The following GRB14 variants were observed in gnomAD, a reference collection of about 807,000 sequenced individuals.
GRB14 encodes the protein growth factor receptor-bound protein 14.
A neutral mutation model predicts 69.1 loss-of-function variants in GRB14; 38 were observed. That is an observed-to-expected ratio of 0.55 (90% CI 0.42 to 0.72). The LOEUF is 0.72. Ranked by LOEUF, GRB14 falls within the 30% of genes least tolerant of loss-of-function variation. The probability of loss-of-function intolerance (pLI) is 0.00; values close to 1 mark genes in which losing one functional copy is unlikely to be tolerated. For missense variants in GRB14, 666 were observed against 666.1 expected (o/e 1.00, Z 0.00); for synonymous variants, 247 against 241.3 (o/e 1.02, Z -0.22).
At chr2:164,560,103 T>C (rs7576322) in intron 2 of GRB14, among the ~76,000 whole-genome samples, 118,688 of 152,030 alleles carry the variant, frequency 0.78, 46,821 homozygotes, top group African/African-American at 0.83. Context: ...GGTCACCAGC[T>C]GAGCCAGCCA....
At chr2:164,596,075 G>T (rs1399777350) in intron 2 of GRB14, among the ~76,000 whole-genome samples, 1 of 152,198 alleles carries the variant, frequency 6.6e-6, no homozygotes, top group African/African-American at 2.4e-5. Context: ...AGCGAACCGA[G>T]ATTGCACCGC....
intron 2 of GRB14, among the ~76,000 whole-genome samples, chr2:164,562,436 C>A (rs377500420): frequency 3.3e-5 from 5 of 152,168 alleles, no homozygotes; most frequent in African/African-American, 9.6e-5. Context: ...GCAGTGGGAG[C>A]AAGCATTTGA....
intron 13 of GRB14, 44 bp downstream of exon 13, chr2:164,494,387 A>C (rs1686836634): frequency 2.9e-6 from 3 of 1,021,378 alleles, no homozygotes; most frequent in Non-Finnish European, 4.7e-6. Context: ...CTTATGCATT[A>C]AGGTCATTTC....
chr2:164,548,090 T>A (rs894838053), intron 2 of GRB14, among the ~76,000 whole-genome samples: 1 of 152,198 alleles, frequency 6.6e-6, no homozygotes, highest in Non-Finnish European at 1.5e-5. Flanking sequence ...TGTTGTGCAT[T>A]AGAGCTCTAG....
chr2:164,526,988 T>C, intron 4 of GRB14, 26 bp downstream of exon 4: 1 of 1,511,638 alleles, frequency 6.6e-7, no homozygotes, highest in Non-Finnish European at 8.9e-7. Context: ...TTATTTTCCG[T>C]AACTATTAGG....
intron 6 of GRB14, among the ~76,000 whole-genome samples, chr2:164,518,895 A>T (rs1687561974): frequency 6.6e-6 from 1 of 152,090 alleles, no homozygotes; most frequent in East Asian, 1.9e-4. Context: ...TCAACAAAAA[A>T]AAAGGTCCAG....
At chr2:164,525,143 T>C in intron 4 of GRB14, 65 bp from the exon 5 acceptor site, 2 of 1,093,060 alleles carry the variant, frequency 1.8e-6, no homozygotes, top group South Asian at 2.7e-5. Flanking sequence ...TTATGACCAA[T>C]ATAGTAATCA....
chr2:164,519,168 C>T (rs1687569841), intron 6 of GRB14, among the ~76,000 whole-genome samples: 1 of 152,082 alleles, frequency 6.6e-6, no homozygotes, highest in African/African-American at 2.4e-5. Context: ...AAAAGATAAT[C>T]CACCATGATC....
intron 2 of GRB14, among the ~76,000 whole-genome samples, chr2:164,561,874 C>T (rs1262947103): frequency 1.3e-5 from 2 of 152,014 alleles, no homozygotes; most frequent in Non-Finnish European, 2.9e-5. Flanking sequence ...GAAGGGTATA[C>T]CAAATTGCCC....
chr2:164,525,045 T>A lies in GRB14; in HGVS notation c.637A>T (p.Thr213Ser). ...GGGGATATTTCACCATTGGTTTCAG[T>A]TGCAAAAGATACCATATGCTCTGGA... ...FFPEHMVSFA[T>S]ETNGEISPTQ... is the part of the protein sequence containing the mutation. The change falls in exon 5 of 14, where the codon ACT (threonine) becomes TCT (serine). Residue 213 changes from threonine (T) to serine (S), a missense_variant. By Grantham distance (58) the Thr-to-Ser change is moderately conservative. Transcript: ENST00000263915. 5 of 1,593,478 alleles carry A rather than the reference T, an allele frequency of 3.1e-6. No homozygotes were observed. The highest frequency in any genetic ancestry group is 3.4e-6 in the Non-Finnish European group (4 of 1,167,754).
chr2:164,543,516 T>C (rs1688290395), intron 3 of GRB14, among the ~76,000 whole-genome samples: 1 of 152,206 alleles, frequency 6.6e-6, no homozygotes, highest in South Asian at 2.1e-4. Flanking sequence ...AAATTCATCA[T>C]TTTGGACAAA....
At chr2:164,585,771 T>C (rs547673375) in intron 2 of GRB14, among the ~76,000 whole-genome samples, 9 of 152,270 alleles carry the variant, frequency 5.9e-5, no homozygotes, top group Non-Finnish European at 8.8e-5. Context: ...TATAAAAACC[T>C]GTAAAGTCAA....
At position 164,504,669 on chromosome 2, in the gene GRB14, C is replaced by T. The variant is rs564039501; in HGVS notation, c.1024-2334G>A. On this transcript the variant is annotated intron_variant, in intron 8 of 13. Transcript: ENST00000263915. ...TCTTCAGCCTCATCTGGAAAAGCTT[C>T]GCCATTATTGAAATGAACAGGAAAC... Among the ~76,000 whole-genome samples, 90 of 152,228 alleles carry T rather than the reference C, an allele frequency of 5.9e-4. 1 individual carries two copies. Among genetic ancestry groups the T allele is most frequent in the African/African-American group, 1.9e-3 (80 of 41,552 alleles).
At chr2:164,577,173 T>A (rs1195605290) in intron 2 of GRB14, among the ~76,000 whole-genome samples, 2 of 152,166 alleles carry the variant, frequency 1.3e-5, no homozygotes, top group Non-Finnish European at 2.9e-5. Flanking sequence ...TACAAAAAAA[T>A]TCTATATAAC....
At chr2:164,526,481 A>T (rs1326555257) in intron 4 of GRB14, among the ~76,000 whole-genome samples, 1 of 152,044 alleles carries the variant, frequency 6.6e-6, no homozygotes, top group Non-Finnish European at 1.5e-5. Flanking sequence ...TTCAAAAATT[A>T]CTGCACCGAA....
At chr2:164,535,016 A>T (rs530885483) in intron 3 of GRB14, among the ~76,000 whole-genome samples, 2 of 152,346 alleles carry the variant, frequency 1.3e-5, no homozygotes, top group South Asian at 2.1e-4. Flanking sequence ...GTAAATTACA[A>T]TTGTCAACTA....
intron 2 of GRB14, among the ~76,000 whole-genome samples, chr2:164,612,922 T>C (rs1323654740): frequency 1.3e-5 from 2 of 152,282 alleles, no homozygotes; most frequent in East Asian, 1.9e-4. Flanking sequence ...AAATAGAAGA[T>C]CTGCTAGGGG....
intron 2 of GRB14, chr2:164,574,183 A>G (rs1689189542): frequency 1.7e-6 from 1 of 586,136 alleles, no homozygotes; most frequent in Non-Finnish European, 3.0e-6. Flanking sequence ...ATCCACCACT[A>G]GCCATTTTTT....
At chr2:164,496,531 T>TAAAC (rs1248484362) in intron 12 of GRB14, among the ~76,000 whole-genome samples, 5 of 152,218 alleles carry the variant, frequency 3.3e-5, no homozygotes, top group African/African-American at 1.2e-4. Flanking sequence ...AATAGGGATG[T>TAAAC]AAACACACAA....
Sources: allele counts gnomAD v4.1 joint callset (sites outside exome capture counted in the v4.1 genomes callset), GRCh38; gene constraint gnomAD v4.1.1; transcripts MANE v1.5; gene names NCBI Gene and HGNC (gene_info 2026-07-23, HGNC 2026-07-21).